The following FAM184A variants were observed in gnomAD, a reference collection of about 807,000 sequenced individuals.
The protein encoded by FAM184A is protein FAM184A.
Under a neutral mutation model 143.8 loss-of-function variants are expected in FAM184A, and 99 were observed. The observed-to-expected ratio is 0.69, with a 90% CI of 0.58 to 0.81. The LOEUF is 0.81. Among genes scored for constraint, FAM184A ranks in the 40% least tolerant of loss-of-function variants. The pLI, the probability that FAM184A is intolerant of heterozygous loss-of-function variation, is 0.00. For missense variants in FAM184A, 1,217 were observed against 1,310.5 expected (o/e 0.93, Z 1.10); for synonymous variants, 427 against 446.4 (o/e 0.96, Z 0.55).
intron 1 of FAM184A, among the ~76,000 whole-genome samples, chr6:119,035,723 T>C (rs1222440169): frequency 6.6e-6 from 1 of 152,208 alleles, no homozygotes; most frequent in Non-Finnish European, 1.5e-5. Context: ...CCTAGGTCTT[T>C]AGGTAACAAC....
At chr6:119,142,115 C>T (rs1582651396) in intron 1 of FAM184A, among the ~76,000 whole-genome samples, 1 of 152,268 alleles carries the variant, frequency 6.6e-6, no homozygotes, top group South Asian at 2.1e-4. Context: ...CATTCCCATC[C>T]CTGCTCCCAG....
intron 9 of FAM184A, among the ~76,000 whole-genome samples, chr6:118,982,739 G>A (rs1050157508): frequency 6.6e-5 from 10 of 152,118 alleles, no homozygotes; most frequent in Non-Finnish European, 1.3e-4. Flanking sequence ...CCTCTCATAC[G>A]TTAATTTGAC....
intron 14 of FAM184A, among the ~76,000 whole-genome samples, chr6:118,970,356 C>G (rs1783659766): frequency 6.6e-6 from 1 of 151,890 alleles, no homozygotes; most frequent in African/African-American, 2.4e-5. Context: ...TACTCTATTT[C>G]ACAACACTCA....
At chr6:119,027,166 C>T (rs1006034364) in intron 1 of FAM184A, among the ~76,000 whole-genome samples, 5 of 152,180 alleles carry the variant, frequency 3.3e-5, no homozygotes, top group African/African-American at 7.2e-5. Flanking sequence ...ACCTCCCTCA[C>T]GCCCACCTAG....
intron 1 of FAM184A, among the ~76,000 whole-genome samples, chr6:119,121,957 A>G (rs1789226284): frequency 6.6e-6 from 1 of 151,922 alleles, no homozygotes; most frequent in Non-Finnish European, 1.5e-5. Context: ...ATTTATTTTT[A>G]TAGAGATGCA....
At chr6:119,069,986 G>A (rs953443448) in intron 1 of FAM184A, among the ~76,000 whole-genome samples, 6 of 151,968 alleles carry the variant, frequency 3.9e-5, no homozygotes, top group Admixed American at 6.6e-5. Context: ...ATGTAAATAA[G>A]GAAATACAGA....
chr6:119,048,995 C>A (rs1210073717), intron 1 of FAM184A, among the ~76,000 whole-genome samples: 1 of 152,080 alleles, frequency 6.6e-6, no homozygotes, highest in African/African-American at 2.4e-5. Flanking sequence ...CTTCACAGAA[C>A]TACAAAAAAC....
intron 1 of FAM184A, among the ~76,000 whole-genome samples, chr6:119,092,936 T>C (rs1176884923): frequency 6.6e-6 from 1 of 152,202 alleles, no homozygotes; most frequent in African/African-American, 2.4e-5. Context: ...TGAAGATCTA[T>C]TATCACAAAT....
intron 1 of FAM184A, among the ~76,000 whole-genome samples, chr6:119,045,963 A>G (rs1022737883): frequency 6.6e-6 from 1 of 152,186 alleles, no homozygotes; most frequent in African/African-American, 2.4e-5. Flanking sequence ...AAGTATATGT[A>G]CTATATATTC....
intron 1 of FAM184A, among the ~76,000 whole-genome samples, chr6:119,058,589 T>C (rs140801954): frequency 6.6e-6 from 1 of 152,342 alleles, no homozygotes; most frequent in East Asian, 1.9e-4. Context: ...GAATGACTTC[T>C]GAGTCTAGGT....
chr6:119,103,206 C>T (rs928451463), intron 1 of FAM184A, among the ~76,000 whole-genome samples: 30 of 152,166 alleles, frequency 2.0e-4, no homozygotes, highest in Non-Finnish European at 2.4e-4. Flanking sequence ...CTACTACATC[C>T]ATCTTGTTAC....
chr6:119,031,387 T>C (rs980409325), intron 1 of FAM184A: 10 of 152,186 alleles, frequency 6.6e-5, no homozygotes, highest in African/African-American at 2.4e-4. Context: ...AGAGACTGCC[T>C]CTGCTCTCTC....
At chr6:119,053,927 T>G (rs1362313289) in intron 1 of FAM184A, among the ~76,000 whole-genome samples, 1 of 152,200 alleles carries the variant, frequency 6.6e-6, no homozygotes, top group African/African-American at 2.4e-5. Flanking sequence ...CAAGTCCCAA[T>G]CTACTTCTCA....
intron 1 of FAM184A, among the ~76,000 whole-genome samples, chr6:119,034,537 G>T (rs538407556): frequency 6.9e-6 from 1 of 144,808 alleles, no homozygotes; most frequent in Non-Finnish European, 1.6e-5. Context: ...GTATTGAGTC[G>T]TCATATTCTT....
chr6:119,080,148 T>C (rs1788020120), upstream of FAM184A, among the ~76,000 whole-genome samples: 2 of 152,238 alleles, frequency 1.3e-5, no homozygotes, highest in Admixed American at 1.3e-4. Context: ...TCACTAAATT[T>C]GTATAGCCAA....
intron 9 of FAM184A, among the ~76,000 whole-genome samples, chr6:118,996,771 G>C (rs755251065): frequency 1.3e-5 from 2 of 152,006 alleles, no homozygotes; most frequent in Non-Finnish European, 2.9e-5. Context: ...CTGGAGTGCA[G>C]TGGTGTGATC....
At chr6:118,966,049 C>G (rs1422568154) in intron 15 of FAM184A, among the ~76,000 whole-genome samples, 1 of 152,190 alleles carries the variant, frequency 6.6e-6, no homozygotes, top group Non-Finnish European at 1.5e-5. Flanking sequence ...GATCCCCAAT[C>G]TGCTACCTGT....
At chr6:119,086,211 T>C (rs1035696321) in intron 1 of FAM184A, among the ~76,000 whole-genome samples, 1 of 152,230 alleles carries the variant, frequency 6.6e-6, no homozygotes, top group African/African-American at 2.4e-5. Context: ...GTTTCTTTCA[T>C]GAGATTGTTT....
chr6:119,033,991 A>T (rs1582532512), intron 1 of FAM184A, among the ~76,000 whole-genome samples: 1 of 20,862 alleles, frequency 4.8e-5, no homozygotes, highest in African/African-American at 2.9e-4. Context: ...ACTCTGTCTC[A>T]AAAAAAAAAA....
Sources: allele counts gnomAD v4.1 joint callset (sites outside exome capture counted in the v4.1 genomes callset), GRCh38; gene constraint gnomAD v4.1.1; transcripts MANE v1.5; gene names NCBI Gene and HGNC (gene_info 2026-07-23, HGNC 2026-07-21).